Variants in DCBLD2 observed in about 807,000 individuals in gnomAD.
DCBLD2 encodes discoidin, CUB and LCCL domain containing 2.
In DCBLD2, 54 loss-of-function variants were observed where a neutral mutation model predicts 86.8. The ratio of observed to expected loss-of-function variants is 0.62; its 90% CI spans 0.50 to 0.78. The LOEUF (loss-of-function observed/expected upper bound fraction) is 0.78, where lower values mean the gene tolerates loss of function less well. Among genes scored for constraint, DCBLD2 ranks in the 30% least tolerant of loss-of-function variants. DCBLD2 has a pLI of 0.00. For missense variants in DCBLD2, 908 were observed against 954.2 expected, an observed-to-expected ratio of 0.95 and a Z score of 0.64; for synonymous variants, 354 against 341.3, an observed-to-expected ratio of 1.04 and a Z score of -0.41.
At chr3:98,890,499 T>G (rs755912320) in intron 1 of DCBLD2, 3 of 152,104 alleles carry the variant, frequency 2.0e-5, no homozygotes, top group African/African-American at 2.4e-5. Context: ...TGTGGTACTT[T>G]GTTACAGCTG....
chr3:98,854,476 A>G (rs2107489981), intron 2 of DCBLD2, among the ~76,000 whole-genome samples: 1 of 152,272 alleles, frequency 6.6e-6, no homozygotes, highest in Middle Eastern at 3.4e-3. Flanking sequence ...CTGCTTCAGC[A>G]AAGACTTGCC....
At chr3:98,856,829 A>C (rs1314564875) in intron 2 of DCBLD2, among the ~76,000 whole-genome samples, 1 of 152,248 alleles carries the variant, frequency 6.6e-6, no homozygotes. Flanking sequence ...AACATAAGGA[A>C]TGTTGAAAAG....
intron 9 of DCBLD2, 109 bp from the exon 10 acceptor site, chr3:98,812,591 G>A: frequency 2.7e-5 from 25 of 919,548 alleles, no homozygotes; most frequent in South Asian, 2.7e-4. Flanking sequence ...AATTACATCT[G>A]GAAAGTATGA....
intron 14 of DCBLD2, chr3:98,801,286 C>T (rs1941713825): frequency 3.0e-6 from 1 of 332,032 alleles, no homozygotes. Context: ...TTGTTTCTTA[C>T]TCAGTGTTCA....
chr3:98,901,025 G>A (rs1214636775), intron 1 of DCBLD2, 97 bp downstream of exon 1: 19 of 1,521,236 alleles, frequency 1.2e-5, no homozygotes, highest in Non-Finnish European at 1.7e-5. Context: ...AAAGCGCACC[G>A]CGCCTCCCTG....
At chr3:98,886,654 G>T (rs1295488710) in intron 1 of DCBLD2, among the ~76,000 whole-genome samples, 1 of 151,886 alleles carries the variant, frequency 6.6e-6, no homozygotes. Context: ...TTTCAGCTAA[G>T]AATAAACACT....
intron 2 of DCBLD2, among the ~76,000 whole-genome samples, chr3:98,862,050 G>A (rs1294629906): frequency 2.0e-5 from 3 of 152,126 alleles, no homozygotes; most frequent in East Asian, 3.9e-4. Context: ...TATCACCACC[G>A]ATCCCACAGA....
intron 2 of DCBLD2, among the ~76,000 whole-genome samples, chr3:98,870,742 AAAGAAAG>A (rs1943254719): frequency 1.9e-5 from 1 of 51,448 alleles, no homozygotes; most frequent in South Asian, 8.3e-4. Context: ...AAAGAAAAAG[AAAGAAAG>A]AAAGAAAGAA....
intron 3 of DCBLD2, among the ~76,000 whole-genome samples, chr3:98,848,413 T>C (rs1942765821): frequency 6.6e-6 from 1 of 152,218 alleles, no homozygotes; most frequent in African/African-American, 2.4e-5. Context: ...TGCTATTGAA[T>C]AGCGGTGCAA....
chr3:98,812,521 T>C lies in DCBLD2; in HGVS notation c.1213-39A>G, dbSNP rs761839614. ...ACAAAAAATTGGTACTTCAAATCAATAGAGGTCAGGGCTAAATTTCTCCAC... is the reference window on the plus strand; with the variant it reads ...ACAAAAAATTGGTACTTCAAATCAACAGAGGTCAGGGCTAAATTTCTCCAC... On this transcript the variant is annotated intron_variant, in intron 9 of 15. Transcript: ENST00000326840. 60 of 1,576,606 alleles carry C rather than the reference T, an allele frequency of 3.8e-5. 2 individuals are homozygous for C. The South Asian group carries it at 5.4e-4, about 14-fold the overall frequency.
intron 2 of DCBLD2, among the ~76,000 whole-genome samples, chr3:98,858,880 C>T (rs1476700170): frequency 4.6e-5 from 7 of 152,278 alleles, no homozygotes; most frequent in South Asian, 2.1e-4. Context: ...CCAGTGTGAG[C>T]GACGCAGAAG....
At position 98,800,684 on chromosome 3, in the gene DCBLD2, C is replaced by T. The variant is rs765110829; in HGVS notation, c.1753G>A (p.Ala585Thr). The change falls in exon 15 of 16, where the codon GCA becomes ACA. Residue 585 changes from alanine to threonine, a missense_variant. Ala to Thr is a moderately conservative substitution (Grantham distance 58). Transcript: ENST00000326840. Reference protein sequence around the residue: ...WWKGMKQFLPAKAVDHEETPV... With the variant: ...WWKGMKQFLPTKAVDHEETPV... ...GTTTCCTCATGGTCCACTGCTTTTG[C>T]AGGAAGAAACTGCTTCATTCCTTTC... 7 of 1,613,902 alleles carry T rather than the reference C, an allele frequency of 4.3e-6. No homozygotes were observed. The highest frequency in any genetic ancestry group is 5.9e-6 in the Non-Finnish European group (7 of 1,179,856).
In DCBLD2 at chr3:98,826,175, C is replaced by CA. The variant is rs11453585; in HGVS notation, c.572-810dup. Among the ~76,000 whole-genome samples the CA allele has an allele frequency of 8.0e-3, 1,201 of 149,322 alleles. 14 individuals are homozygous for CA. The highest frequency in any genetic ancestry group is 0.022 in the African/African-American group (902 of 40,584). On this transcript the variant is annotated intron_variant, in intron 3 of 15. Coordinates refer to ENST00000326840, the MANE Select transcript of DCBLD2 (RefSeq NM_080927.4). ...AAAGTGGCTTTGGTTAAAAAAAAAG[C>CA]AAAAAAAACAAAACAAAACACACCA...
intron 3 of DCBLD2, among the ~76,000 whole-genome samples, chr3:98,837,984 T>A (rs1296450207): frequency 4.4e-5 from 2 of 45,398 alleles, no homozygotes; most frequent in East Asian, 1.0e-3. Flanking sequence ...CACTTCCCAG[T>A]AGGGGCGGCC....
At chr3:98,843,628 A>T (rs761444994) in intron 3 of DCBLD2, among the ~76,000 whole-genome samples, 1 of 152,210 alleles carries the variant, frequency 6.6e-6, no homozygotes, top group Non-Finnish European at 1.5e-5. Flanking sequence ...TGCAAAAATG[A>T]TGTGGTTAAA....
chr3:98,840,043 G>A (rs1482251210), intron 3 of DCBLD2, among the ~76,000 whole-genome samples: 1 of 152,200 alleles, frequency 6.6e-6, no homozygotes, highest in Non-Finnish European at 1.5e-5. Context: ...GAAGTCAGAT[G>A]AGTAATGGGA....
At position 98,878,499 on chromosome 3, in the gene DCBLD2, GA is replaced by G. The variant is rs376721456; in HGVS notation, c.433+3040del. Among the ~76,000 whole-genome samples the G allele has an allele frequency of 4.5e-4, 68 of 150,824 alleles. 1 individual carries two copies. The highest frequency in any genetic ancestry group is 3.2e-3 in the Admixed American group (48 of 15,144). ...GCACTGAGAAAACATGATATAGGGG[GA>G]AAAAAAAAGATTCAGTGACATTATC... is the stretch of plus-strand genomic sequence containing the variant. On this transcript the variant is annotated intron_variant, in intron 2 of 15. Coordinates refer to ENST00000326840, the MANE Select transcript of DCBLD2 (RefSeq NM_080927.4).
rs368761307 is a variant in DCBLD2 at position 98,834,264 on chromosome 3, T to C, written c.572-8898A>G. Among the ~76,000 whole-genome samples, 193 of 150,848 alleles carry C rather than the reference T, an allele frequency of 1.3e-3. No individual in the cohort carries two copies. The East Asian group carries it at 0.016, about 13-fold the overall frequency. On this transcript the variant is annotated intron_variant, in intron 3 of 15. Coordinates refer to ENST00000326840, the MANE Select transcript of DCBLD2 (RefSeq NM_080927.4). ...ATTCACAAAGATCAAATCAGTGTAA[T>C]TGGGATATTCATCACCTTGAATACT...
chr3:98,810,001 T>C (rs917780421), intron 12 of DCBLD2, among the ~76,000 whole-genome samples: 2 of 152,158 alleles, frequency 1.3e-5, no homozygotes, highest in African/African-American at 4.8e-5. Context: ...AAAATAAATT[T>C]ATATACTACC....
Sources: allele counts gnomAD v4.1 joint callset (sites outside exome capture counted in the v4.1 genomes callset), GRCh38; gene constraint gnomAD v4.1.1; transcripts MANE v1.5; gene names NCBI Gene and HGNC (gene_info 2026-07-23, HGNC 2026-07-21).